Variants in UNC13C observed in about 807,000 individuals in gnomAD.
UNC13C encodes protein unc-13 homolog C.
Under a neutral mutation model 245.4 loss-of-function variants are expected in UNC13C, and 174 were observed. The ratio of observed to expected loss-of-function variants is 0.71; its 90% confidence interval spans 0.63 to 0.80. The LOEUF (loss-of-function observed/expected upper bound fraction) is 0.80. Among genes scored for constraint, UNC13C ranks in the 30% least tolerant of loss-of-function variants. The probability of loss-of-function intolerance (pLI) is 0.00; values close to 1 mark genes in which losing one functional copy is unlikely to be tolerated. For synonymous variants in UNC13C, 992 were observed against 895.1 expected, an observed-to-expected ratio of 1.11 and a Z score of -1.93; for missense variants, 2,829 against 2,602.9, an observed-to-expected ratio of 1.09 and a Z score of -1.89.
Position 54,174,349 on chromosome 15 carries a change from G to A in UNC13C, c.3071+30665G>A, listed in dbSNP as rs143525612. ...TTTTATACAAATTACATCTTCTTCAGGAATACGGGTTTTCTTCCAGTAGTG... is the reference window on the plus strand; with the variant it reads ...TTTTATACAAATTACATCTTCTTCAAGAATACGGGTTTTCTTCCAGTAGTG... On this transcript the variant is annotated intron_variant, in intron 4 of 32. Coordinates refer to ENST00000260323, the MANE Select transcript of UNC13C (RefSeq NM_001080534.3). 4.7e-3 allele frequency among the ~76,000 whole-genome samples: 718 copies of A among 152,222 alleles called. 5 individuals are homozygous for A. Among genetic ancestry groups the A allele is most frequent in the Non-Finnish European group, 6.6e-3 (449 of 67,980 alleles).
In UNC13C at chr15:54,449,503, T is replaced by C. The variant is rs1471798774; in HGVS notation, c.4933+34436T>C. On this transcript the variant is annotated intron_variant, in intron 19 of 32. Coordinates refer to ENST00000260323, the MANE Select transcript of UNC13C (RefSeq NM_001080534.3). ...TTCTTCTTTTTTCTCTAAACTTCTCTTCTCGCTTCATTTAATTCATTTGAT... is the reference window on the plus strand; with the variant it reads ...TTCTTCTTTTTTCTCTAAACTTCTCCTCTCGCTTCATTTAATTCATTTGAT... Among the ~76,000 whole-genome samples, 3 of 152,208 alleles carry C rather than the reference T, an allele frequency of 2.0e-5. No homozygotes were observed. In the East Asian group the frequency reaches 5.8e-4, roughly 29 times the overall value.
intron 12 of UNC13C, 62 bp downstream of exon 12, chr15:54,297,988 AAC>A: frequency 8.6e-7 from 1 of 1,166,070 alleles, no homozygotes; most frequent in Non-Finnish European, 1.2e-6. Flanking sequence ...TGGATTATAA[AAC>A]AGAATATTTG....
intron 18 of UNC13C, among the ~76,000 whole-genome samples, chr15:54,408,199 C>CAAAAAAAAAAAAAAAAAAAAA (rs71105808): frequency 2.1e-4 from 6 of 29,126 alleles, no homozygotes; most frequent in African/African-American, 2.6e-4. Context: ...GACTCTGCCT[C>CAAAAAAAAAAAAAAAAAAAAA]AAAAAAAAAA....
the UNC13C span, among the ~76,000 whole-genome samples, chr15:53,958,846 GATTATT>G: frequency 6.6e-6 from 1 of 151,962 alleles, no homozygotes; most frequent in African/African-American, 2.4e-5. Context: ...ATATACAATC[GATTATT>G]ATTAACTATA....
At chr15:54,544,356 A>G (rs948627911) in intron 26 of UNC13C, among the ~76,000 whole-genome samples, 5 of 152,210 alleles carry the variant, frequency 3.3e-5, no homozygotes, top group Admixed American at 1.3e-4. Context: ...AATGGGCAAA[A>G]GCTGGAAGCA....
chr15:53,882,647 G>A, the UNC13C span, among the ~76,000 whole-genome samples: 1 of 152,096 alleles, frequency 6.6e-6, no homozygotes, highest in Non-Finnish European at 1.5e-5. Context: ...TTTGGTGATG[G>A]TGGCCCACTG....
At chr15:53,892,989 T>C in the UNC13C span, among the ~76,000 whole-genome samples, 1 of 152,156 alleles carries the variant, frequency 6.6e-6, no homozygotes. Flanking sequence ...TTGAGCTGTT[T>C]CCCCCCATCT....
chr15:54,588,053 A>G (rs1429136139), intron 30 of UNC13C, among the ~76,000 whole-genome samples: 1 of 152,142 alleles, frequency 6.6e-6, no homozygotes, highest in African/African-American at 2.4e-5. Context: ...GCATAATCAC[A>G]AGGTAGATTG....
intron 19 of UNC13C, among the ~76,000 whole-genome samples, chr15:54,455,195 CTCTCTCTCTCTATA>C (rs1187420270): frequency 1.7e-4 from 8 of 46,696 alleles, no homozygotes; most frequent in African/African-American, 5.7e-4. Context: ...CTCTCTCTCT[CTCTCTCTCTCTATA>C]TATATATATA....
intron 2 of UNC13C, among the ~76,000 whole-genome samples, chr15:54,043,934 G>A (rs897264882): frequency 6.6e-5 from 10 of 152,056 alleles, no homozygotes; most frequent in South Asian, 2.1e-4. Flanking sequence ...ATAAATTTAC[G>A]TAATATAAAA....
chr15:54,589,968 A>G (rs1414988153), intron 30 of UNC13C, among the ~76,000 whole-genome samples: 1 of 152,232 alleles, frequency 6.6e-6, no homozygotes, highest in Non-Finnish European at 1.5e-5. Context: ...TTTTTGTATA[A>G]GATGAGAGAT....
chr15:54,151,449 C>A (rs2032512533), intron 4 of UNC13C, among the ~76,000 whole-genome samples: 1 of 152,128 alleles, frequency 6.6e-6, no homozygotes, highest in South Asian at 2.1e-4. Flanking sequence ...CTCACTGAAG[C>A]AGGAGTGCAG....
At chr15:53,852,023 G>A in the UNC13C span, among the ~76,000 whole-genome samples, 1 of 152,206 alleles carries the variant, frequency 6.6e-6, no homozygotes, top group African/African-American at 2.4e-5. Flanking sequence ...GATCCAAAGA[G>A]GGAGCTGTGG....
chr15:54,474,129 C>A (rs1430711611), intron 19 of UNC13C, among the ~76,000 whole-genome samples: 1 of 151,942 alleles, frequency 6.6e-6, no homozygotes, highest in African/African-American at 2.4e-5. Context: ...CACGGGGGTG[C>A]AGGTATTTCT....
At chr15:54,616,321 C>A (rs1203240110) in intron 30 of UNC13C, among the ~76,000 whole-genome samples, 7 of 151,820 alleles carry the variant, frequency 4.6e-5, no homozygotes, top group Admixed American at 4.6e-4. Context: ...TGACATATAC[C>A]AATGTTACAG....
intron 7 of UNC13C, among the ~76,000 whole-genome samples, chr15:54,241,338 G>T (rs955234443): frequency 6.6e-6 from 1 of 152,096 alleles, no homozygotes; most frequent in Non-Finnish European, 1.5e-5. Context: ...GATCAAACCG[G>T]AGCCCTATTT....
At chr15:53,852,122 A>G in the UNC13C span, among the ~76,000 whole-genome samples, 2 of 152,184 alleles carry the variant, frequency 1.3e-5, no homozygotes, top group East Asian at 3.9e-4. Context: ...TGCAGGATTC[A>G]GCTTTCACCC....
chr15:54,260,083 A>G (rs2036385697), intron 8 of UNC13C, among the ~76,000 whole-genome samples: 1 of 152,152 alleles, frequency 6.6e-6, no homozygotes, highest in Non-Finnish European at 1.5e-5. Flanking sequence ...TATTGAGTGT[A>G]TGCTAGTTTC....
intron 30 of UNC13C, among the ~76,000 whole-genome samples, chr15:54,600,616 T>C (rs1899358938): frequency 6.6e-6 from 1 of 152,136 alleles, no homozygotes; most frequent in Non-Finnish European, 1.5e-5. Context: ...GGTACCTTAT[T>C]TTTCAGGTAT....
Sources: allele counts gnomAD v4.1 joint callset (sites outside exome capture counted in the v4.1 genomes callset), GRCh38; gene constraint gnomAD v4.1.1; transcripts MANE v1.5; gene names NCBI Gene and HGNC (gene_info 2026-07-23, HGNC 2026-07-21).